Variants in CAMTA1 observed in about 807,000 individuals in gnomAD.
The protein encoded by CAMTA1 is calmodulin binding transcription activator 1, also known as calmodulin-binding transcription activator 1.
A neutral mutation model predicts 170.9 loss-of-function variants in CAMTA1; 27 were observed. That is an observed-to-expected ratio of 0.16 (90% CI 0.12 to 0.22). CAMTA1 has a LOEUF of 0.22. Ranked by LOEUF, CAMTA1 falls within the 10% of genes least tolerant of loss-of-function variation. The pLI, the probability that CAMTA1 is intolerant of heterozygous loss-of-function variation, is 1.00. For missense variants in CAMTA1, 1,619 were observed against 2,217.2 expected, an observed-to-expected ratio of 0.73 and a Z score of 5.42; for synonymous variants, 833 against 891.5, an observed-to-expected ratio of 0.93 and a Z score of 1.17.
chr1:7,757,932 C>G (rs1386205958), intron 22 of CAMTA1, among the ~76,000 whole-genome samples: 1 of 152,048 alleles, frequency 6.6e-6, no homozygotes, highest in African/African-American at 2.4e-5. Flanking sequence ...TATTTCAGGT[C>G]CCTTGTGATA....
chr1:7,267,464 AT>A (rs1669104862), intron 5 of CAMTA1, among the ~76,000 whole-genome samples: 1 of 152,196 alleles, frequency 6.6e-6, no homozygotes, highest in Non-Finnish European at 1.5e-5. Flanking sequence ...AGCAGGATTG[AT>A]CCCCTGGAGT....
intron 6 of CAMTA1, among the ~76,000 whole-genome samples, chr1:7,497,089 A>C (rs2093840865): frequency 6.6e-6 from 1 of 152,170 alleles, no homozygotes; most frequent in African/African-American, 2.4e-5. Context: ...CATTAAACTC[A>C]TCACCCAAGA....
chr1:7,591,883 T>C lies in CAMTA1; in HGVS notation c.511-48517T>C, dbSNP rs561049323. Among the ~76,000 whole-genome samples, 129 of 152,172 alleles carry C rather than the reference T, an allele frequency of 8.5e-4. 1 individual carries two copies. Among genetic ancestry groups the C allele is most frequent in the African/African-American group, 2.8e-3 (116 of 41,522 alleles). On this transcript the variant is annotated intron_variant, in intron 6 of 22. Transcript: ENST00000303635. ...GTGTGGCTGCCTGGATTTCACAGTT[T>C]GTTTGTTTATTTATGTATTTATTTA...
chr1:7,373,435 G>A (rs7532560), intron 5 of CAMTA1, among the ~76,000 whole-genome samples: 26,437 of 152,190 alleles, frequency 0.17, 2,913 homozygotes, highest in East Asian at 0.53. Flanking sequence ...GGCACTGTGC[G>A]CAGATGGGTG....
chr1:7,485,230 A>G (rs1017443611), intron 6 of CAMTA1, among the ~76,000 whole-genome samples: 4 of 152,204 alleles, frequency 2.6e-5, no homozygotes, highest in African/African-American at 7.2e-5. Flanking sequence ...TGCGCGCATT[A>G]CATAGCTGCA....
chr1:7,603,661 T>C (rs1346006109), intron 6 of CAMTA1, among the ~76,000 whole-genome samples: 1 of 152,228 alleles, frequency 6.6e-6, no homozygotes, highest in East Asian at 1.9e-4. Flanking sequence ...GTCTTTTAAT[T>C]GGACCATTTA....
chr1:7,657,989 G>A (rs75384918), intron 7 of CAMTA1, among the ~76,000 whole-genome samples: 4,716 of 152,274 alleles, frequency 0.031, 89 homozygotes, highest in Non-Finnish European at 0.042. Flanking sequence ...TGGCCTGATC[G>A]GCGGTTGTCA....
intron 3 of CAMTA1, among the ~76,000 whole-genome samples, chr1:7,052,947 C>T (rs1023126170): frequency 2.6e-5 from 4 of 152,346 alleles, no homozygotes; most frequent in African/African-American, 7.2e-5. Context: ...TGCTTTCCAT[C>T]GCCCAGAGCA....
At chr1:7,268,173 A>G (rs971900845) in intron 5 of CAMTA1, among the ~76,000 whole-genome samples, 3 of 152,230 alleles carry the variant, frequency 2.0e-5, no homozygotes, top group African/African-American at 7.2e-5. Context: ...AGAGTACAGC[A>G]GTGTAGCAAA....
chr1:7,068,574 T>G (rs2101849598), intron 3 of CAMTA1, among the ~76,000 whole-genome samples: 1 of 152,244 alleles, frequency 6.6e-6, no homozygotes, highest in Non-Finnish European at 1.5e-5. Context: ...AAATCCATCA[T>G]GCATCCCGAG....
intron 6 of CAMTA1, among the ~76,000 whole-genome samples, chr1:7,492,338 G>C (rs1197149186): frequency 6.6e-6 from 1 of 152,200 alleles, no homozygotes; most frequent in Non-Finnish European, 1.5e-5. Context: ...GGGCTTACGG[G>C]CGTGACATGC....
chr1:7,723,492 T>G (rs1286076886), intron 11 of CAMTA1, among the ~76,000 whole-genome samples: 1 of 152,184 alleles, frequency 6.6e-6, no homozygotes, highest in South Asian at 2.1e-4. Flanking sequence ...AAATAATATA[T>G]GTAGATACTC....
intron 3 of CAMTA1, among the ~76,000 whole-genome samples, chr1:6,861,749 G>T (rs1035449441): frequency 6.6e-6 from 1 of 152,082 alleles, no homozygotes; most frequent in East Asian, 1.9e-4. Context: ...AAAATTTGTT[G>T]TCTTAACCAT....
At chr1:7,556,298 G>A (rs1011442689) in intron 6 of CAMTA1, among the ~76,000 whole-genome samples, 1 of 152,178 alleles carries the variant, frequency 6.6e-6, no homozygotes, top group African/African-American at 2.4e-5. Context: ...GGTCTGAAAG[G>A]TGGGTTCCCA....
chr1:7,349,374 G>A (rs560843098), intron 5 of CAMTA1, among the ~76,000 whole-genome samples: 6 of 152,124 alleles, frequency 3.9e-5, no homozygotes, highest in Non-Finnish European at 8.8e-5. Context: ...CTTTCTGGGG[G>A]CCTAAAGGGG....
In CAMTA1 at chr1:7,035,272, C is replaced by T. The variant is rs181096956; in HGVS notation, c.235-56032C>T. On this transcript the variant is annotated intron_variant, in intron 3 of 22. Transcript: ENST00000303635. Reference sequence around the variant, plus strand: ...AAAATAAGCCGGGTGTGGTGGCACGCGCCTGTAATCTCAGCTACTTGGGAG... The same window carrying T: ...AAAATAAGCCGGGTGTGGTGGCACGTGCCTGTAATCTCAGCTACTTGGGAG... Among the ~76,000 whole-genome samples, 347 of 152,022 alleles carry T rather than the reference C, an allele frequency of 2.3e-3. 4 individuals carry two copies. The highest frequency in any genetic ancestry group is 7.8e-3 in the African/African-American group (323 of 41,460).
In CAMTA1 at chr1:7,067,034, G is replaced by A. The variant is rs1709048610; in HGVS notation, c.235-24270G>A. On this transcript the variant is annotated intron_variant, in intron 3 of 22. Transcript: ENST00000303635. The surrounding 1 kb of genome is among the most constrained non-coding windows in gnomAD (Gnocchi z 4.3). ...TCCTGCTGGATGGGCACATAAACTGGGTGTCATGTTATTAAGATGTGGTGA... is the reference window on the plus strand; with the variant it reads ...TCCTGCTGGATGGGCACATAAACTGAGTGTCATGTTATTAAGATGTGGTGA... Among the ~76,000 whole-genome samples, 3 of 152,202 alleles carry A rather than the reference G, an allele frequency of 2.0e-5. No individual in the cohort carries two copies. The highest frequency in any genetic ancestry group is 2.0e-4 in the Admixed American group (3 of 15,286).
At chr1:7,747,870 G>T in intron 19 of CAMTA1, 89 bp downstream of exon 19, 1 of 728,306 alleles carries the variant, frequency 1.4e-6, no homozygotes, top group Non-Finnish European at 2.3e-6. Context: ...ACTACATCTA[G>T]TACCTCATTA....
chr1:7,405,545 ATT>A (rs35751150), intron 5 of CAMTA1, among the ~76,000 whole-genome samples: 22,589 of 151,400 alleles, frequency 0.15, 4,823 homozygotes, highest in African/African-American at 0.48. Context: ...TAATTTTTGT[ATT>A]TTTTTTTAGA....
Sources: gnomAD v4.1 joint callset for allele counts (sites outside exome capture counted in the v4.1 genomes callset) on GRCh38, gnomAD v4.1.1 for gene constraint, Gnocchi (gnomAD v3.1) non-coding constraint, MANE v1.5 for transcripts, NCBI Gene and HGNC (gene_info 2026-07-23, HGNC 2026-07-21) for gene names.